TAC4: variants seen among roughly 807,000 people sequenced by gnomAD.
TAC4 encodes the protein tachykinin precursor 4, also known as tachykinin-4.
TAC4 carries 17 observed loss-of-function variants against 17.7 expected under a neutral mutation model. That is an observed-to-expected ratio of 0.96 (90% CI 0.66 to 1.44). The LOEUF (loss-of-function observed/expected upper bound fraction) is 1.44. Ranked by LOEUF, TAC4 falls within the 40% of genes most tolerant of loss-of-function variation. The pLI is 0.00. For missense variants in TAC4, 118 were observed against 125.6 expected (o/e 0.94, Z 0.29); for synonymous variants, 62 against 52.4 (o/e 1.18, Z -0.79).
rs536356904 is a variant in TAC4 at position 49,839,181 on chromosome 17, G to A, written c.293-508C>T. ...TTTCAGGGGTGCTAGGGAGGCGAGG[G>A]GTCCAGAAGTCTGCAGCTCCGGTGG... On this transcript the variant is annotated intron_variant, in intron 4 of 4. Coordinates refer to ENST00000436235, the MANE Select transcript of TAC4 (RefSeq NM_001077506.2). 4.6e-5 allele frequency among the ~76,000 whole-genome samples: 7 copies of A among 152,268 alleles called. No homozygotes were observed. The South Asian group carries it at 1.4e-3, about 32-fold the overall frequency.
chr17:49,847,692 G>GACAT (rs1555609063), intron 1 of TAC4: 1 of 390,114 alleles, frequency 2.6e-6, no homozygotes, highest in African/African-American at 2.2e-5. Flanking sequence ...CACACACACA[G>GACAT]ACACACACAC....
At chr17:49,845,453 A>G (rs2074530753) in intron 1 of TAC4, among the ~76,000 whole-genome samples, 1 of 152,212 alleles carries the variant, frequency 6.6e-6, no homozygotes, top group African/African-American at 2.4e-5. Flanking sequence ...GGTAACATTC[A>G]TTAGACTGTC....
chr17:49,840,695 G>T (rs1354350116), intron 3 of TAC4, among the ~76,000 whole-genome samples: 1 of 151,756 alleles, frequency 6.6e-6, no homozygotes, highest in African/African-American at 2.4e-5. Context: ...TAGAGACAGG[G>T]TTTCACCACG....
intron 4 of TAC4, among the ~76,000 whole-genome samples, chr17:49,839,179 G>C (rs999266676): frequency 6.6e-6 from 1 of 152,172 alleles, no homozygotes; most frequent in African/African-American, 2.4e-5. Context: ...AGGGAGGCGA[G>C]GGGTCCAGAA....
rs1370809711 is a variant in TAC4 at position 49,838,659 on chromosome 17, C to T, written c.307G>A (p.Ala103Thr). ...SLFTEGREDE[A>T]QGSE ...GGGGGCTTTTACTCTGAACCTTGGG[C>T]CTCATCCTCTCTGCCTGGGGAGAGT... The change falls in exon 5 of 5, where the codon GCC becomes ACC. Residue 103 changes from alanine to threonine, a missense_variant. Ala to Thr is a moderately conservative substitution (Grantham distance 58, BLOSUM62 0). Transcript: ENST00000436235. 1.9e-6 allele frequency: 3 copies of T among 1,613,454 alleles called. No homozygotes were observed. Among genetic ancestry groups the T allele is most frequent in the Admixed American group, 3.3e-5 (2 of 59,898 alleles).
rs1398303946 is a variant in TAC4 at position 49,838,549 on chromosome 17, A to T, written c.*93T>A. 2 of 1,500,546 alleles carry T rather than the reference A, an allele frequency of 1.3e-6. No homozygotes were observed. The highest frequency in any genetic ancestry group is 3.4e-5 in the Admixed American group (2 of 59,156). 93.0% of individuals were successfully genotyped at this position (1,500,546 alleles called of 1,614,324 possible). On this transcript the variant is annotated 3_prime_UTR_variant, in exon 5 of 5. Transcript: ENST00000436235. ...TGCCAGCGATGAGGACAGGAGACACAGAGAAGAGAGTTGGCCTGCCGGCTT... is the reference window on the plus strand; with the variant it reads ...TGCCAGCGATGAGGACAGGAGACACTGAGAAGAGAGTTGGCCTGCCGGCTT...
intron 1 of TAC4, chr17:49,846,881 T>A: frequency 8.8e-7 from 1 of 1,134,136 alleles, no homozygotes; most frequent in Non-Finnish European, 1.1e-6. Flanking sequence ...TAAAAGCATA[T>A]CAAAGCTGGA....
At chr17:49,847,143 C>T (rs1359805259) in intron 1 of TAC4, 1 of 1,289,982 alleles carries the variant, frequency 7.8e-7, no homozygotes, top group Non-Finnish European at 1.0e-6. Context: ...CCAAGGCCAC[C>T]CCAGTGTCCT....
chr17:49,844,228 G>T, intron 1 of TAC4, 71 bp from the exon 2 acceptor site: 1 of 1,434,628 alleles, frequency 7.0e-7, no homozygotes, highest in Non-Finnish European at 9.8e-7. Flanking sequence ...CTGGGCAATG[G>T]CAATCTCAGG....
rs147232644 is a variant in TAC4, at chr17:49,838,709, G to A, written c.293-36C>T. On this transcript the variant is annotated intron_variant, in intron 4 of 4. Coordinates refer to ENST00000436235, the MANE Select transcript of TAC4 (RefSeq NM_001077506.2). ...TTTGGTATATGAACCATGGTTAGTC[G>A]GGGGTCTTGTCTGGCTCCTCCACCC... is the stretch of plus-strand genomic sequence containing the variant. The A allele has an allele frequency of 1.2e-3, 1,966 of 1,606,402 alleles. 28 individuals carry two copies. In the African/African-American group the frequency reaches 0.022, roughly 18 times the overall value.
At chr17:49,839,458 A>C (rs868686979) in intron 4 of TAC4, among the ~76,000 whole-genome samples, 3 of 152,362 alleles carry the variant, frequency 2.0e-5, no homozygotes, top group Middle Eastern at 3.4e-3. Flanking sequence ...AAATCTCTGA[A>C]GACTAAAGGC....
intron 1 of TAC4, 161 bp downstream of exon 1, chr17:49,847,752 C>T (rs2074556011): frequency 8.2e-7 from 1 of 1,216,280 alleles, no homozygotes; most frequent in Non-Finnish European, 1.2e-6. Flanking sequence ...GGCCAGGGCT[C>T]ATAGCCTTGA....
chr17:49,841,549 T>TA lies in TAC4; in HGVS notation c.232+2dup, dbSNP rs756941671. On this transcript the variant is annotated splice_region_variant and intron_variant, in intron 3 of 4. Transcript: ENST00000436235. The stretch of plus-strand genomic sequence containing the variant: ...GTTGAAGGCAGGTTTGGGCAATACT[T>TA]ACCTTTTTTTCTCCTTGGCTGGATC... 3.8e-6 allele frequency: 6 copies of TA among 1,582,802 alleles called. No homozygotes were observed. The highest frequency in any genetic ancestry group is 2.8e-5 in the African/African-American group (2 of 72,724).
chr17:49,846,544 T>G (rs372165428), intron 1 of TAC4, among the ~76,000 whole-genome samples: 1 of 152,216 alleles, frequency 6.6e-6, no homozygotes, highest in Non-Finnish European at 1.5e-5. Context: ...CCCAAAGTGC[T>G]GGGATTACAG....
intron 1 of TAC4, among the ~76,000 whole-genome samples, chr17:49,845,724 G>C (rs1049181015): frequency 6.6e-6 from 1 of 152,184 alleles, no homozygotes; most frequent in African/African-American, 2.4e-5. Flanking sequence ...TAGGGGTAGC[G>C]CTGGAGCTCC....
At chr17:49,841,673 T>G (rs1368500153) in intron 2 of TAC4, 89 bp from the exon 3 acceptor site, 3 of 1,310,872 alleles carry the variant, frequency 2.3e-6, no homozygotes, top group Non-Finnish European at 3.1e-6. Context: ...TCTTTGAGGG[T>G]TGGTGCATTG....
At chr17:49,843,395 G>T (rs900761665) in intron 2 of TAC4, among the ~76,000 whole-genome samples, 4 of 152,214 alleles carry the variant, frequency 2.6e-5, no homozygotes, top group East Asian at 1.9e-4. Flanking sequence ...AGCTTGGCTT[G>T]TGGCTTTGCC....
In TAC4 at chr17:49,846,162, G is replaced by A. The variant is rs1007288347; in HGVS notation, c.105+1751C>T. ...TCCGACAGGACTCCTGCCCCCAGCC[G>A]GAGCCCTCCATATCCATTTAACCCA... On this transcript the variant is annotated intron_variant, in intron 1 of 4. Transcript: ENST00000436235. 1.7e-5 allele frequency: 21 copies of A among 1,271,300 alleles called. 1 individual carries two copies. Among genetic ancestry groups the A allele is most frequent in the Admixed American group, 4.8e-5 (2 of 41,454 alleles). The allele number at this position is 1,271,300 out of a possible 1,614,324, so 78.8% of individuals were successfully genotyped here.
At chr17:49,845,661 G>A (rs536355512) in intron 1 of TAC4, among the ~76,000 whole-genome samples, 2 of 152,318 alleles carry the variant, frequency 1.3e-5, no homozygotes, top group Admixed American at 1.3e-4. Flanking sequence ...CGCCTGCCAG[G>A]AGCTGGGAGC....
Sources: gnomAD v4.1 joint callset for allele counts (sites outside exome capture counted in the v4.1 genomes callset) on GRCh38, gnomAD v4.1.1 for gene constraint, MANE v1.5 for transcripts, NCBI Gene and HGNC (gene_info 2026-07-23, HGNC 2026-07-21) for gene names.